STAC: variants seen among roughly 807,000 people sequenced by gnomAD.
STAC encodes SH3 and cysteine rich domain.
Under a neutral mutation model 48.8 loss-of-function variants are expected in STAC, and 43 were observed. The ratio of observed to expected loss-of-function variants is 0.88; its 90% CI spans 0.69 to 1.14. STAC has a LOEUF of 1.14. Among genes scored for constraint, STAC ranks in the 50% most tolerant of loss-of-function variants. STAC has a pLI of 0.00. For missense variants in STAC, 497 were observed against 504.0 expected, an observed-to-expected ratio of 0.99 and a Z score of 0.13; for synonymous variants, 193 against 179.5, an observed-to-expected ratio of 1.07 and a Z score of -0.60.
intron 6 of STAC, among the ~76,000 whole-genome samples, chr3:36,500,973 G>A (rs974239734): frequency 2.6e-5 from 4 of 152,006 alleles, no homozygotes; most frequent in African/African-American, 4.8e-5. Flanking sequence ...TATGTCTATA[G>A]TCCAGCTACT....
At chr3:36,500,118 T>C (rs1371937241) in intron 6 of STAC, among the ~76,000 whole-genome samples, 1 of 152,160 alleles carries the variant, frequency 6.6e-6, no homozygotes, top group African/African-American at 2.4e-5. Flanking sequence ...GACAAAAATA[T>C]TCTGTACAGA....
intron 10 of STAC, among the ~76,000 whole-genome samples, chr3:36,540,158 G>A (rs1333610532): frequency 2.6e-5 from 4 of 152,082 alleles, no homozygotes; most frequent in African/African-American, 9.7e-5. Flanking sequence ...GTGAGCCAAG[G>A]AATATAGGTG....
intron 6 of STAC, among the ~76,000 whole-genome samples, chr3:36,502,829 T>C (rs921054233): frequency 6.6e-6 from 1 of 152,176 alleles, no homozygotes; most frequent in Non-Finnish European, 1.5e-5. Flanking sequence ...ACAAGATTCA[T>C]AGAACCGGGC....
chr3:36,470,100 A>T (rs1697289417), intron 2 of STAC, among the ~76,000 whole-genome samples: 1 of 152,150 alleles, frequency 6.6e-6, no homozygotes, highest in South Asian at 2.1e-4. Context: ...TAGATTCATT[A>T]CCAGTGAGCT....
chr3:36,435,318 A>G (rs1183798893), intron 1 of STAC, among the ~76,000 whole-genome samples: 2 of 152,114 alleles, frequency 1.3e-5, no homozygotes, highest in Non-Finnish European at 2.9e-5. Flanking sequence ...AGCAATCAAA[A>G]GAGAAAAGCC....
intron 1 of STAC, among the ~76,000 whole-genome samples, chr3:36,426,504 G>A (rs545937529): frequency 6.6e-6 from 1 of 152,232 alleles, no homozygotes; most frequent in East Asian, 1.9e-4. Flanking sequence ...TAAAAGTCAA[G>A]GATTATACAC....
intron 2 of STAC, among the ~76,000 whole-genome samples, chr3:36,460,007 C>G (rs533019667): frequency 1.9e-4 from 29 of 152,184 alleles, no homozygotes; most frequent in African/African-American, 6.5e-4. Flanking sequence ...GCAGTCTCTA[C>G]TTGGCAACCT....
At chr3:36,436,497 C>T (rs1275600864) in intron 1 of STAC, among the ~76,000 whole-genome samples, 1 of 152,190 alleles carries the variant, frequency 6.6e-6, no homozygotes, top group Non-Finnish European at 1.5e-5. Context: ...ACCAGACGCA[C>T]CGACCTCCCA....
intron 8 of STAC, among the ~76,000 whole-genome samples, chr3:36,508,995 C>T (rs1264434847): frequency 6.6e-6 from 1 of 152,080 alleles, no homozygotes; most frequent in African/African-American, 2.4e-5. Context: ...TTAGTTGATG[C>T]AGTTTCTTCA....
At chr3:36,477,806 G>C (rs1355966278) in intron 2 of STAC, among the ~76,000 whole-genome samples, 1 of 152,094 alleles carries the variant, frequency 6.6e-6, no homozygotes, top group African/African-American at 2.4e-5. Flanking sequence ...CAAATGCCCC[G>C]GGAAGAACTG....
chr3:36,512,494 A>G (rs1036664713), intron 8 of STAC, among the ~76,000 whole-genome samples: 1 of 152,186 alleles, frequency 6.6e-6, no homozygotes, highest in African/African-American at 2.4e-5. Flanking sequence ...TAGAGATCCT[A>G]CAGCTTTATA....
At chr3:36,406,924 G>C (rs1700097593) in intron 1 of STAC, among the ~76,000 whole-genome samples, 1 of 152,200 alleles carries the variant, frequency 6.6e-6, no homozygotes, top group Non-Finnish European at 1.5e-5. Context: ...ATGTATGGAT[G>C]AATGAATCAC....
intron 2 of STAC, among the ~76,000 whole-genome samples, chr3:36,456,515 C>T (rs1696860858): frequency 6.6e-6 from 1 of 152,144 alleles, no homozygotes; most frequent in African/African-American, 2.4e-5. Flanking sequence ...TGTCTTAATG[C>T]CTTGCTCCCT....
At chr3:36,447,352 A>G (rs1039461209) in intron 2 of STAC, among the ~76,000 whole-genome samples, 1 of 152,224 alleles carries the variant, frequency 6.6e-6, no homozygotes, top group African/African-American at 2.4e-5. Context: ...AGGGTACACT[A>G]TATCTGTGAA....
intron 2 of STAC, among the ~76,000 whole-genome samples, chr3:36,456,391 A>C (rs1252016521): frequency 6.6e-6 from 1 of 152,148 alleles, no homozygotes; most frequent in Admixed American, 6.6e-5. Context: ...CTTATTTTAA[A>C]AAATAGAAAA....
chr3:36,388,006 T>C (rs1699658910), intron 1 of STAC, among the ~76,000 whole-genome samples: 1 of 152,132 alleles, frequency 6.6e-6, no homozygotes, highest in Non-Finnish European at 1.5e-5. Flanking sequence ...TGTTATTTTC[T>C]GGGTTTTGTT....
intron 1 of STAC, among the ~76,000 whole-genome samples, chr3:36,395,879 C>T (rs1393992618): frequency 6.6e-6 from 1 of 151,684 alleles, no homozygotes; most frequent in East Asian, 1.9e-4. Flanking sequence ...CAGAATCATC[C>T]AACAAGAAAA....
intron 1 of STAC, among the ~76,000 whole-genome samples, chr3:36,419,320 T>C (rs1475549119): frequency 6.6e-6 from 1 of 152,170 alleles, no homozygotes; most frequent in African/African-American, 2.4e-5. Flanking sequence ...TGAAACTGCA[T>C]TGTAAATTTA....
chr3:36,487,717 G>A (rs1697852894), intron 5 of STAC, among the ~76,000 whole-genome samples: 1 of 152,236 alleles, frequency 6.6e-6, no homozygotes, highest in Non-Finnish European at 1.5e-5. Flanking sequence ...TAACATACAC[G>A]TGTTAAGGAT....
Sources: gnomAD v4.1 joint callset for allele counts (sites outside exome capture counted in the v4.1 genomes callset) on GRCh38, gnomAD v4.1.1 for gene constraint, MANE v1.5 for transcripts, NCBI Gene and HGNC (gene_info 2026-07-23, HGNC 2026-07-21) for gene names.